Variants in NFIB observed in about 807,000 individuals in gnomAD.
NFIB encodes the protein nuclear factor 1 B-type.
A neutral mutation model predicts 61.5 loss-of-function variants in NFIB; 11 were observed. The observed-to-expected ratio is 0.18, with a 90% CI of 0.11 to 0.30. The LOEUF (loss-of-function observed/expected upper bound fraction) is 0.30. NFIB is among the 10% of genes least tolerant of loss of function. NFIB has a pLI of 1.00. For missense variants in NFIB, 471 were observed against 608.9 expected (o/e 0.77, Z 2.38); for synonymous variants, 260 against 216.5 (o/e 1.20, Z -1.76).
chr9:14,316,540 G>A (rs1260499154), upstream of NFIB, among the ~76,000 whole-genome samples: 7 of 152,236 alleles, frequency 4.6e-5, no homozygotes, highest in South Asian at 4.1e-4. Flanking sequence ...TCCTTTGTGC[G>A]GGTCATTTCT....
intron 1 of NFIB, among the ~76,000 whole-genome samples, chr9:14,379,711 T>G (rs540922384): frequency 6.6e-6 from 1 of 152,234 alleles, no homozygotes; most frequent in South Asian, 2.1e-4. Flanking sequence ...AGATGGAGTT[T>G]TGCTCTTGTC....
intron 6 of NFIB, among the ~76,000 whole-genome samples, chr9:14,132,181 G>A (rs1196205142): frequency 6.6e-6 from 1 of 152,152 alleles, no homozygotes; most frequent in Admixed American, 6.5e-5. Flanking sequence ...TATTAACCAT[G>A]CCAGTCCTAT....
At chr9:14,272,975 T>C (rs1481378656) in intron 2 of NFIB, among the ~76,000 whole-genome samples, 1 of 152,134 alleles carries the variant, frequency 6.6e-6, no homozygotes, top group Non-Finnish European at 1.5e-5. Context: ...CAGTCTGCTT[T>C]GCCAAATCAG....
intron 2 of NFIB, among the ~76,000 whole-genome samples, chr9:14,225,894 A>G (rs2052349432): frequency 6.6e-6 from 1 of 152,194 alleles, no homozygotes; most frequent in African/African-American, 2.4e-5. Context: ...GATGAAATAC[A>G]TGTTATTTCC....
At chr9:14,149,046 G>A (rs971866831) in intron 5 of NFIB, among the ~76,000 whole-genome samples, 2 of 152,134 alleles carry the variant, frequency 1.3e-5, no homozygotes, top group Admixed American at 1.3e-4. Context: ...GATCTGTGTT[G>A]ACAACAGTGA....
intron 2 of NFIB, among the ~76,000 whole-genome samples, chr9:14,193,303 G>T (rs1198463191): frequency 6.6e-6 from 1 of 151,890 alleles, no homozygotes; most frequent in African/African-American, 2.4e-5. Context: ...CTTCACACAT[G>T]ACTGTATGCT....
intron 1 of NFIB, among the ~76,000 whole-genome samples, chr9:14,351,361 C>T (rs565155785): frequency 7.2e-5 from 11 of 152,242 alleles, no homozygotes; most frequent in African/African-American, 2.6e-4. Context: ...CAGCGCCAGC[C>T]CTGTGCCCCA....
At chr9:14,231,133 A>ATATATATATATATAT (rs1392498228) in intron 2 of NFIB, among the ~76,000 whole-genome samples, 14 of 67,190 alleles carry the variant, frequency 2.1e-4, no homozygotes, top group South Asian at 7.7e-4. Flanking sequence ...AAAAAAAAAA[A>ATATATATATATATAT]AAATATATAT....
chr9:14,234,601 C>T (rs1223506706), intron 2 of NFIB, among the ~76,000 whole-genome samples: 2 of 151,988 alleles, frequency 1.3e-5, no homozygotes, highest in East Asian at 3.9e-4. Context: ...AACTCTTGAC[C>T]TCTGCCCACC....
chr9:14,519,989 C>T, the NFIB span, among the ~76,000 whole-genome samples: 19 of 152,136 alleles, frequency 1.2e-4, no homozygotes, highest in Admixed American at 1.3e-4. Context: ...TAGTTCTCTA[C>T]GTTATAAACA....
At chr9:14,135,181 C>T (rs1030316217) in intron 6 of NFIB, among the ~76,000 whole-genome samples, 1 of 152,076 alleles carries the variant, frequency 6.6e-6, no homozygotes, top group Non-Finnish European at 1.5e-5. Flanking sequence ...AAATTCCCCA[C>T]AAATAACTAT....
At chr9:14,284,874 T>C (rs2058609253) in intron 2 of NFIB, among the ~76,000 whole-genome samples, 1 of 152,228 alleles carries the variant, frequency 6.6e-6, no homozygotes, top group South Asian at 2.1e-4. Context: ...TTCCTAAGTA[T>C]GGCTCTTGAC....
chr9:14,346,290 A>AT (rs2061019183), intron 1 of NFIB, among the ~76,000 whole-genome samples: 1 of 88,394 alleles, frequency 1.1e-5, no homozygotes, highest in Non-Finnish European at 2.6e-5. Context: ...GGTAACCGAC[A>AT]CCCCCCCCCC....
In NFIB at chr9:14,084,480, G is replaced by C; in HGVS notation, c.*3829C>G. ...CTATATTGCTATAATTAAGATTTTT[G>C]CCATGTCTTTATGTACAGTCTCCTT... On this transcript the variant is annotated 3_prime_UTR_variant, in exon 11 of 11. Transcript: ENST00000380953. 1 of 224,944 alleles carries C rather than the reference G, an allele frequency of 4.4e-6. No individual in the cohort carries two copies. Among genetic ancestry groups the C allele is most frequent in the Non-Finnish European group, 8.9e-6 (1 of 112,640 alleles). 13.9% of individuals were successfully genotyped at this position (224,944 alleles called of 1,614,324 possible).
chr9:14,327,650 A>C (rs972389235), intron 1 of NFIB, among the ~76,000 whole-genome samples: 57 of 152,282 alleles, frequency 3.7e-4, no homozygotes, highest in African/African-American at 1.3e-3. Context: ...GGTGTTTTGA[A>C]AACCTTCAAA....
chr9:14,189,389 G>A (rs977535114), intron 2 of NFIB, among the ~76,000 whole-genome samples: 10 of 152,084 alleles, frequency 6.6e-5, no homozygotes, highest in South Asian at 2.1e-4. Context: ...ACCATTTCAC[G>A]CACGAATCAG....
intron 2 of NFIB, among the ~76,000 whole-genome samples, chr9:14,184,812 G>A (rs1188635464): frequency 6.6e-6 from 1 of 152,154 alleles, no homozygotes; most frequent in Non-Finnish European, 1.5e-5. Flanking sequence ...CTTGAGGCCA[G>A]GAGTTTGAGA....
intron 2 of NFIB, among the ~76,000 whole-genome samples, chr9:14,299,623 T>C (rs1205340041): frequency 6.6e-6 from 1 of 152,230 alleles, no homozygotes; most frequent in East Asian, 1.9e-4. Context: ...AATAGGATTC[T>C]GAAAATACAC....
the NFIB span, among the ~76,000 whole-genome samples, chr9:14,497,701 T>C: frequency 6.6e-6 from 1 of 152,210 alleles, no homozygotes; most frequent in African/African-American, 2.4e-5. Flanking sequence ...ACGTGCTTTA[T>C]CCCTGGAGAG....
Sources: gnomAD v4.1 joint callset for allele counts (sites outside exome capture counted in the v4.1 genomes callset) on GRCh38, gnomAD v4.1.1 for gene constraint, MANE v1.5 for transcripts, NCBI Gene and HGNC (gene_info 2026-07-23, HGNC 2026-07-21) for gene names.